FERMT1: variants seen among roughly 807,000 people sequenced by gnomAD.
FERMT1 encodes FERM domain containing kindlin 1.
In FERMT1, 60 loss-of-function variants were observed where a neutral mutation model predicts 85.3. The observed-to-expected ratio is 0.70, with a 90% confidence interval of 0.57 to 0.87. The LOEUF (loss-of-function observed/expected upper bound fraction) is 0.87, where lower values mean the gene tolerates loss of function less well. Among genes scored for constraint, FERMT1 ranks in the 40% least tolerant of loss-of-function variants. The pLI is 0.00. For missense variants in FERMT1, 701 were observed against 818.9 expected (o/e 0.86, Z 1.76); for synonymous variants, 275 against 301.1 (o/e 0.91, Z 0.90).
chr20:6,097,910 G>C (rs935495501), intron 6 of FERMT1, among the ~76,000 whole-genome samples: 4 of 151,890 alleles, frequency 2.6e-5, no homozygotes, highest in Non-Finnish European at 5.9e-5. Flanking sequence ...CGCCTCCTGG[G>C]TTCATGCAAT....
chr20:6,103,767 GTTTTT>G (rs66482243), intron 6 of FERMT1, among the ~76,000 whole-genome samples: 2 of 102,072 alleles, frequency 2.0e-5, no homozygotes, highest in South Asian at 3.4e-4. Context: ...CTTTGTTATA[GTTTTT>G]TTTTTTTTTT....
intron 6 of FERMT1, among the ~76,000 whole-genome samples, chr20:6,101,374 TAA>T (rs1430566479): frequency 6.6e-6 from 1 of 152,130 alleles, no homozygotes; most frequent in Non-Finnish European, 1.5e-5. Context: ...TTTCAGTGGT[TAA>T]AAAAAGTGAG....
In FERMT1 at chr20:6,102,101, CACTGCAGCCTCGA is replaced by C. The variant is rs113660807; in HGVS notation, c.850-4483_850-4471del. Among the ~76,000 whole-genome samples the C allele has an allele frequency of 5.5e-3, 832 of 152,072 alleles. 12 individuals carry two copies. The highest frequency in any genetic ancestry group is 0.019 in the African/African-American group (784 of 41,484). On this transcript the variant is annotated intron_variant, in intron 6 of 14. Coordinates refer to ENST00000217289, the MANE Select transcript of FERMT1 (RefSeq NM_017671.5). ...GTAGTGCAGTGGTGCAATCATAGCT[CACTGCAGCCTCGA>C]ACTCCTGGGCTCCAGCAATACTCCT...
Position 6,123,005 on chromosome 20 carries a change from G to C in FERMT1, c.-250C>G, listed in dbSNP as rs913466222. On this transcript the variant is annotated 5_prime_UTR_variant, in exon 1 of 15. Coordinates refer to ENST00000217289, the MANE Select transcript of FERMT1 (RefSeq NM_017671.5). ...CACGGAGGCTCGGTGCCTGCCCCCA[G>C]CCTGGCGCGGCGTGCCCGGTGCACT... 7 of 152,370 alleles carry C rather than the reference G, an allele frequency of 4.6e-5. No homozygotes were observed. Among genetic ancestry groups the C allele is most frequent in the Non-Finnish European group, 5.9e-5 (4 of 68,076 alleles). The allele number at this position is 152,370 out of a possible 1,614,324, so 9.4% of individuals were successfully genotyped here.
intron 10 of FERMT1, among the ~76,000 whole-genome samples, chr20:6,088,240 C>T (rs1452410083): frequency 6.6e-6 from 1 of 152,116 alleles, no homozygotes; most frequent in Non-Finnish European, 1.5e-5. Flanking sequence ...GTTGAGTGTA[C>T]TGGTTAATTA....
chr20:6,092,691 A>T (rs190341700), intron 9 of FERMT1, among the ~76,000 whole-genome samples: 61 of 152,232 alleles, frequency 4.0e-4, no homozygotes, highest in African/African-American at 1.5e-3. Context: ...TCTATTTTTC[A>T]TTCAACAGAA....
chr20:6,084,982 C>T (rs114508581), intron 12 of FERMT1, 84 bp downstream of exon 12: 1 of 1,355,072 alleles, frequency 7.4e-7, no homozygotes, highest in Non-Finnish European at 1.1e-6. Context: ...TGTGAGCCAC[C>T]ATGCCCAGCC....
intron 12 of FERMT1, 66 bp downstream of exon 12, chr20:6,085,000 C>A: frequency 6.7e-7 from 1 of 1,484,846 alleles, no homozygotes; most frequent in Non-Finnish European, 9.4e-7. Flanking sequence ...GCCGGAAATC[C>A]TCCTTTTATT....
At chr20:6,080,641 A>AG (rs1981968422) in intron 13 of FERMT1, among the ~76,000 whole-genome samples, 1 of 152,174 alleles carries the variant, frequency 6.6e-6, no homozygotes, top group Non-Finnish European at 1.5e-5. Context: ...TGTACTTTGA[A>AG]GGTAGAGTCA....
Position 6,110,508 on chromosome 20 carries a change from C to T in FERMT1, c.536G>A (p.Ser179Asn). 1 of 1,613,272 alleles carries T rather than the reference C, an allele frequency of 6.2e-7. No homozygotes were observed. ...CATGGTTTTACTGTATAAACCAGGA[C>T]TTACTGCAAGGCAGGGGGATCAAGA... The part of the protein sequence containing the change: ...SSPTASGSSV[S>N]PGLYSKTMTP... Residue 179 changes from serine to asparagine, a missense_variant, in exon 5 of 15, where the codon AGT becomes AAT. Transcript: ENST00000217289.
At chr20:6,095,042 T>C (rs1275299554) in intron 8 of FERMT1, 54 bp from the exon 9 acceptor site, 1 of 947,836 alleles carries the variant, frequency 1.1e-6, no homozygotes, top group African/African-American at 1.6e-5. Flanking sequence ...GTGATGCTGA[T>C]ACTCAACCTG....
At position 6,088,952 on chromosome 20, in the gene FERMT1, AG is replaced by A; in HGVS notation, c.1264+12del. 1 of 1,608,240 alleles carries A rather than the reference AG, an allele frequency of 6.2e-7. No homozygotes were observed. The highest frequency in any genetic ancestry group is 8.5e-7 in the Non-Finnish European group (1 of 1,175,932). Reference sequence around the variant, plus strand: ...CTTACGATGAGCCACAGCAAGATATAGGGTACTCTTACCTCTAAGATTTAGT... The same window carrying A: ...CTTACGATGAGCCACAGCAAGATATAGGTACTCTTACCTCTAAGATTTAGT... On this transcript the variant is annotated intron_variant, in intron 10 of 14. Coordinates refer to ENST00000217289, the MANE Select transcript of FERMT1 (RefSeq NM_017671.5).
At position 6,088,991 on chromosome 20, in the gene FERMT1, T is replaced by C. The variant is rs1982269370; in HGVS notation, c.1238A>G (p.Glu413Gly). 1.9e-6 allele frequency: 3 copies of C among 1,612,456 alleles called. No individual in the cohort carries two copies. The highest frequency in any genetic ancestry group is 2.5e-6 in the Non-Finnish European group (3 of 1,178,756). ...TCTAAGATTTAGTTTTTCTAGTGGT[T>C]CTCCTTGTTCAAGTTCCTTATTTTT... Reference protein sequence around the residue: ...YFKNKELEQGEPLEKLNLRGC... With the variant: ...YFKNKELEQGGPLEKLNLRGC... The change falls in exon 10 of 15, where the codon GAA (glutamate) becomes GGA (glycine). Residue 413 changes from glutamate (E) to glycine (G), a missense_variant. Coordinates refer to ENST00000217289, the MANE Select transcript of FERMT1 (RefSeq NM_017671.5).
chr20:6,094,472 G>T (rs1249889480), intron 9 of FERMT1, among the ~76,000 whole-genome samples: 1 of 152,146 alleles, frequency 6.6e-6, no homozygotes, highest in East Asian at 1.9e-4. Context: ...GAGAGAAATG[G>T]CTTTTAAATT....
At chr20:6,097,772 T>C in intron 6 of FERMT1, 141 bp from the exon 7 acceptor site, 3 of 720,472 alleles carry the variant, frequency 4.2e-6, no homozygotes, top group South Asian at 2.9e-5. Flanking sequence ...ATACTTCTAT[T>C]GTGCCATATA....
At chr20:6,093,404 A>G (rs996204712) in intron 9 of FERMT1, among the ~76,000 whole-genome samples, 6 of 152,212 alleles carry the variant, frequency 3.9e-5, no homozygotes, top group African/African-American at 1.4e-4. Context: ...AGTTCAGGGT[A>G]GCATAAGTGA....
chr20:6,100,301 G>T (rs1226323563), intron 6 of FERMT1, among the ~76,000 whole-genome samples: 2 of 152,144 alleles, frequency 1.3e-5, no homozygotes, highest in African/African-American at 4.8e-5. Flanking sequence ...AGGAATGAAT[G>T]AATGAATTCT....
At chr20:6,099,725 G>A (rs992055973) in intron 6 of FERMT1, among the ~76,000 whole-genome samples, 16 of 147,512 alleles carry the variant, frequency 1.1e-4, no homozygotes, top group Non-Finnish European at 2.1e-4. Flanking sequence ...TTTTAAAAAA[G>A]TGGCTCTTGT....
intron 6 of FERMT1, among the ~76,000 whole-genome samples, chr20:6,101,347 C>G (rs1452687861): frequency 1.3e-5 from 2 of 152,086 alleles, no homozygotes; most frequent in African/African-American, 2.4e-5. Flanking sequence ...GTTTATTTAG[C>G]CTTTCCTTTG....
Sources: gnomAD v4.1 joint callset for allele counts (sites outside exome capture counted in the v4.1 genomes callset) on GRCh38, gnomAD v4.1.1 for gene constraint, MANE v1.5 for transcripts, NCBI Gene and HGNC (gene_info 2026-07-23, HGNC 2026-07-21) for gene names.